KCNMA1: variants seen among roughly 807,000 people sequenced by gnomAD.
KCNMA1 encodes potassium calcium-activated channel subfamily M alpha 1, also known as Calcium-activated potassium channel subunit alpha-1.
A neutral mutation model predicts 140.0 loss-of-function variants in KCNMA1; 29 were observed. The ratio of observed to expected loss-of-function variants is 0.21; its 90% CI spans 0.15 to 0.28. The LOEUF is 0.28. Ranked by LOEUF, KCNMA1 falls within the 10% of genes least tolerant of loss-of-function variation. The probability of loss-of-function intolerance (pLI) is 1.00; values close to 1 mark genes in which losing one functional copy is unlikely to be tolerated. For missense variants in KCNMA1, 880 were observed against 1,602.2 expected (o/e 0.55, Z 7.70); for synonymous variants, 612 against 611.9 (o/e 1.00, Z 0.00).
intron 5 of KCNMA1, among the ~76,000 whole-genome samples, chr10:77,124,823 C>T (rs1037693363): frequency 2.6e-5 from 4 of 152,116 alleles, no homozygotes; most frequent in Non-Finnish European, 4.4e-5. Flanking sequence ...CGTATTAGTC[C>T]GTTCTCACTC....
intron 3 of KCNMA1, among the ~76,000 whole-genome samples, chr10:77,215,108 C>T (rs900872186): frequency 3.3e-5 from 5 of 152,078 alleles, no homozygotes; most frequent in African/African-American, 4.8e-5. Flanking sequence ...CTAGTGCAGC[C>T]CTTAGCCCCC....
In KCNMA1 at chr10:77,593,575, T is replaced by C. The variant is rs138441519; in HGVS notation, c.378+43690A>G. ...TCTTAAATTGCAGAGTGCTTTTCCA[T>C]TTACAAAGCATTTTTATACACATTA... On this transcript the variant is annotated intron_variant, in intron 1 of 27. Coordinates refer to ENST00000286628, the MANE Select transcript of KCNMA1 (RefSeq NM_001161352.2). 2.4e-3 allele frequency among the ~76,000 whole-genome samples: 362 copies of C among 152,326 alleles called. 8 individuals carry two copies. In the South Asian group the frequency reaches 0.025, roughly 11 times the overall value.
At chr10:77,585,936 C>T (rs1020891204) in intron 1 of KCNMA1, among the ~76,000 whole-genome samples, 3 of 152,160 alleles carry the variant, frequency 2.0e-5, no homozygotes, top group Non-Finnish European at 2.9e-5. Flanking sequence ...TTTCCAAAAC[C>T]TTTTTCTCAT....
intron 3 of KCNMA1, chr10:77,250,330 A>C (rs1040421799): frequency 1.3e-5 from 2 of 152,298 alleles, no homozygotes; most frequent in Non-Finnish European, 1.5e-5. Context: ...AGAGTTGCCA[A>C]GTTCACGCCA....
chr10:77,123,568 G>A (rs569327947), intron 5 of KCNMA1, among the ~76,000 whole-genome samples: 5 of 152,196 alleles, frequency 3.3e-5, no homozygotes, highest in South Asian at 4.2e-4. Flanking sequence ...AGTAGAAGGC[G>A]ACTGGCAGTT....
intron 14 of KCNMA1, chr10:77,063,636 CA>C: frequency 1.5e-6 from 1 of 669,838 alleles, no homozygotes; most frequent in Non-Finnish European, 1.8e-6. Context: ...CACAGATTCA[CA>C]CTTAAAATCA....
At chr10:77,360,863 G>A (rs2093885722) in intron 2 of KCNMA1, among the ~76,000 whole-genome samples, 1 of 152,220 alleles carries the variant, frequency 6.6e-6, no homozygotes, top group Admixed American at 6.5e-5. Context: ...GAATCAAGGA[G>A]TGGGGCACTA....
intron 1 of KCNMA1, among the ~76,000 whole-genome samples, chr10:77,434,790 G>A (rs1326505341): frequency 1.3e-5 from 2 of 152,190 alleles, no homozygotes; most frequent in Non-Finnish European, 2.9e-5. Context: ...GTCAGAAATG[G>A]AGTCAAGGTC....
chr10:77,624,124 G>A (rs2092077815), intron 1 of KCNMA1, among the ~76,000 whole-genome samples: 1 of 152,198 alleles, frequency 6.6e-6, no homozygotes, highest in Admixed American at 6.5e-5. Flanking sequence ...ATGCTCCGTG[G>A]AACAGGGCTG....
At chr10:76,984,497 T>C (rs2080616586) in intron 19 of KCNMA1, among the ~76,000 whole-genome samples, 1 of 152,186 alleles carries the variant, frequency 6.6e-6, no homozygotes, top group South Asian at 2.1e-4. Context: ...GCCTGGATTC[T>C]AGAGTAACTC....
intron 5 of KCNMA1, chr10:77,140,729 T>A (rs1217303567): frequency 1.3e-5 from 2 of 152,252 alleles, no homozygotes; most frequent in African/African-American, 4.8e-5. Flanking sequence ...AACCCCGGCA[T>A]GCTCTGGGCA....
In KCNMA1 at chr10:76,913,822, G is replaced by A; in HGVS notation, c.3016+1114C>T. On this transcript the variant is annotated intron_variant, in intron 24 of 27. Transcript: ENST00000286628. ...AATATGCTTTGGAAACAACTGCCAG[G>A]TCAGATGGGTGTGATCAAAGGTTTA... The A allele has an allele frequency of 8.2e-6, 4 of 487,198 alleles. No individual in the cohort carries two copies. In the South Asian group the frequency reaches 1.4e-4, roughly 17 times the overall value. 30.2% of individuals were successfully genotyped at this position (487,198 alleles called of 1,614,324 possible). A position where few individuals can be genotyped will look rare whatever the true frequency, so the allele number is the denominator to read the frequency against.
At chr10:77,414,420 T>C (rs989091032) in intron 1 of KCNMA1, among the ~76,000 whole-genome samples, 3 of 152,230 alleles carry the variant, frequency 2.0e-5, no homozygotes, top group African/African-American at 7.2e-5. Flanking sequence ...TACTGTGTTC[T>C]GTCCTTGGTG....
intron 1 of KCNMA1, among the ~76,000 whole-genome samples, chr10:77,559,758 A>G (rs1459118189): frequency 6.6e-6 from 1 of 152,202 alleles, no homozygotes; most frequent in African/African-American, 2.4e-5. Flanking sequence ...AATATGCTAG[A>G]CATTTCAGCA....
chr10:76,906,557 G>C (rs2047904241), intron 25 of KCNMA1, among the ~76,000 whole-genome samples: 1 of 152,212 alleles, frequency 6.6e-6, no homozygotes, highest in African/African-American at 2.4e-5. Context: ...AGAATGTTTA[G>C]ACACATGATT....
chr10:77,501,108 C>T (rs2043724719), intron 1 of KCNMA1, among the ~76,000 whole-genome samples: 2 of 152,274 alleles, frequency 1.3e-5, no homozygotes, highest in South Asian at 2.1e-4. Flanking sequence ...GGGCCAAATC[C>T]TGCCCCATTT....
chr10:77,072,719 G>A (rs1404948867), intron 14 of KCNMA1, among the ~76,000 whole-genome samples: 1 of 152,110 alleles, frequency 6.6e-6, no homozygotes, highest in Non-Finnish European at 1.5e-5. Context: ...CACAGTGAGA[G>A]GTCCACCAGC....
chr10:76,982,135 T>A (rs1265321854), intron 19 of KCNMA1, among the ~76,000 whole-genome samples: 2 of 152,200 alleles, frequency 1.3e-5, no homozygotes, highest in Non-Finnish European at 2.9e-5. Context: ...CTTTAAAATC[T>A]TTTTAAAGAT....
intron 9 of KCNMA1, among the ~76,000 whole-genome samples, chr10:77,094,689 T>A (rs1186943563): frequency 1.3e-5 from 2 of 152,166 alleles, no homozygotes; most frequent in East Asian, 3.8e-4. Flanking sequence ...ATGTCCATTT[T>A]ATTTTATATT....
Sources: allele counts gnomAD v4.1 joint callset (sites outside exome capture counted in the v4.1 genomes callset), GRCh38; gene constraint gnomAD v4.1.1; transcripts MANE v1.5; gene names NCBI Gene and HGNC (gene_info 2026-07-23, HGNC 2026-07-21).